The following RNF13 variants were observed in gnomAD, a reference collection of about 807,000 sequenced individuals.
RNF13 encodes the protein E3 ubiquitin-protein ligase RNF13.
In RNF13, 19 loss-of-function variants were observed where a neutral mutation model predicts 37.7. The ratio of observed to expected loss-of-function variants is 0.50; its 90% confidence interval spans 0.35 to 0.74. The LOEUF (loss-of-function observed/expected upper bound fraction) is 0.74, where lower values mean the gene tolerates loss of function less well. Ranked by LOEUF, RNF13 falls within the 30% of genes least tolerant of loss-of-function variation. The pLI, the probability that RNF13 is intolerant of heterozygous loss-of-function variation, is 0.01. For missense variants in RNF13, 375 were observed against 453.0 expected, an observed-to-expected ratio of 0.83 and a Z score of 1.56; for synonymous variants, 144 against 157.8, an observed-to-expected ratio of 0.91 and a Z score of 0.65.
At chr3:149,937,286 G>C (rs1330192584) in intron 8 of RNF13, among the ~76,000 whole-genome samples, 3 of 152,124 alleles carry the variant, frequency 2.0e-5, no homozygotes, top group Non-Finnish European at 2.9e-5. Context: ...AGGGAAACTG[G>C]CTGTCTACCT....
At chr3:149,895,445 ATTTTT>A (rs3856613) in intron 4 of RNF13, 23 bp from the exon 5 acceptor site, 4,691 of 1,092,578 alleles carry the variant, frequency 4.3e-3, no homozygotes, top group South Asian at 8.4e-3. Context: ...TTATAACATA[ATTTTT>A]TTTTTTTTTT....
intron 1 of RNF13, chr3:149,822,607 A>G (rs973149293): frequency 5.9e-5 from 9 of 152,290 alleles, no homozygotes; most frequent in Non-Finnish European, 8.8e-5. Context: ...TGTGAAAACT[A>G]TGAAATATGT....
intron 8 of RNF13, among the ~76,000 whole-genome samples, chr3:149,957,435 C>G (rs2108615251): frequency 6.6e-6 from 1 of 152,222 alleles, no homozygotes; most frequent in Non-Finnish European, 1.5e-5. Flanking sequence ...TTCAACCTAG[C>G]TTTCAAATAA....
Position 149,872,092 on chromosome 3 carries a change from G to A in RNF13, c.259G>A (p.Asp87Asn). 6.2e-7 allele frequency: 1 copy of A among 1,606,086 alleles called. No individual in the cohort carries two copies. The highest frequency in any genetic ancestry group is 2.2e-5 in the East Asian group (1 of 44,638). ...CEPIVPPPVK[D>N]NSSGTFIVLI... ...ACCCATAGTGCCTCCACCAGTAAAA[G>A]ACAATTCATCTGGCACTTTCATCGT... Residue 87 changes from aspartate (D) to asparagine (N), a missense_variant, in exon 4 of 10, where the codon GAC becomes AAC. Coordinates refer to ENST00000392894, the MANE Select transcript of RNF13 (RefSeq NM_183381.3).
chr3:149,835,137 G>A (rs1445696487), intron 1 of RNF13, among the ~76,000 whole-genome samples: 1 of 151,910 alleles, frequency 6.6e-6, no homozygotes, highest in East Asian at 1.9e-4. Context: ...GACACCAAAA[G>A]CACAGGCAAG....
chr3:149,871,034 G>A (rs1324709954), intron 3 of RNF13, among the ~76,000 whole-genome samples: 4 of 143,262 alleles, frequency 2.8e-5, no homozygotes, highest in African/African-American at 1.0e-4. Flanking sequence ...TCTGTTACCA[G>A]ATTTTTTTTT....
At chr3:149,892,455 A>G (rs1487314679) in intron 4 of RNF13, among the ~76,000 whole-genome samples, 1 of 152,200 alleles carries the variant, frequency 6.6e-6, no homozygotes, top group Non-Finnish European at 1.5e-5. Context: ...GTTTATATGT[A>G]GACAACCGCA....
chr3:149,826,060 C>G (rs890159087), intron 1 of RNF13, among the ~76,000 whole-genome samples: 4 of 152,150 alleles, frequency 2.6e-5, no homozygotes, highest in African/African-American at 9.7e-5. Flanking sequence ...TGAATCTCTA[C>G]TGGTACACAA....
chr3:149,876,227 T>G (rs1299110528), intron 4 of RNF13, among the ~76,000 whole-genome samples: 1 of 152,242 alleles, frequency 6.6e-6, no homozygotes, highest in Non-Finnish European at 1.5e-5. Context: ...ACAGAAATGG[T>G]GCAACATATG....
intron 6 of RNF13, among the ~76,000 whole-genome samples, chr3:149,905,449 AT>A (rs1716293546): frequency 6.6e-6 from 1 of 151,098 alleles, no homozygotes; most frequent in South Asian, 2.1e-4. Flanking sequence ...TTTCTTCCCT[AT>A]TTTTAGAAGT....
At position 149,886,411 on chromosome 3, in the gene RNF13, A is replaced by T. The variant is rs557737234; in HGVS notation, c.322-9062A>T. Among the ~76,000 whole-genome samples the T allele has an allele frequency of 6.6e-5, 10 of 152,196 alleles. No homozygotes were observed. The South Asian group carries it at 2.1e-3, about 32-fold the overall frequency. ...ATTTTGGATTGTTCATTGCTAGTGT[A>T]TAGAGAAACAGTGGATTTATGTATA... is the stretch of plus-strand genomic sequence containing the variant. On this transcript the variant is annotated intron_variant, in intron 4 of 9. Transcript: ENST00000392894.
At chr3:149,909,698 T>G (rs948522169) in intron 6 of RNF13, among the ~76,000 whole-genome samples, 2 of 152,156 alleles carry the variant, frequency 1.3e-5, no homozygotes, top group African/African-American at 2.4e-5. Context: ...AATATTAGAT[T>G]TAGAACCCGG....
Position 149,961,587 on chromosome 3 carries a change from C to G in RNF13, c.*483C>G, listed in dbSNP as rs1343310798. On this transcript the variant is annotated 3_prime_UTR_variant, in exon 10 of 10. Coordinates refer to ENST00000392894, the MANE Select transcript of RNF13 (RefSeq NM_183381.3). ...CAACAAGGTAATTCAGCCTTTCCTC[C>G]TATCAGCACAAAGAAACTCAAAGCT... is the stretch of plus-strand genomic sequence containing the variant. 4 of 300,128 alleles carry G rather than the reference C, an allele frequency of 1.3e-5. No homozygotes were observed. Among genetic ancestry groups the G allele is most frequent in the Non-Finnish European group, 2.6e-5 (4 of 154,040 alleles). The allele number at this position is 300,128 out of a possible 1,614,324, so 18.6% of individuals were successfully genotyped here. A position where few individuals can be genotyped will look rare whatever the true frequency, so the allele number is the denominator to read the frequency against.
intron 6 of RNF13, among the ~76,000 whole-genome samples, chr3:149,908,041 A>G (rs1420098979): frequency 6.6e-6 from 1 of 152,202 alleles, no homozygotes; most frequent in Non-Finnish European, 1.5e-5. Context: ...TGACCTCCCA[A>G]TCTGACAAGA....
In RNF13 at chr3:149,893,522, C is replaced by G. The variant is rs114653193; in HGVS notation, c.322-1951C>G. ...AATGGTCATGAAAGCATCAGATAAA[C>G]TAATAGTAACCCCAACTGAGTATAC... On this transcript the variant is annotated intron_variant, in intron 4 of 9. Transcript: ENST00000392894. Among the ~76,000 whole-genome samples the G allele has an allele frequency of 2.6e-5, 4 of 152,282 alleles. No homozygotes were observed. In the East Asian group the frequency reaches 7.7e-4, roughly 29 times the overall value.
At position 149,960,991 on chromosome 3, in the gene RNF13, G is replaced by A. The variant is rs746485111; in HGVS notation, c.1033G>A (p.Asp345Asn). ...MTESSDYEED[D>N]NEDTDSSDAE... ...AGAATCTTCAGACTATGAGGAAGAC[G>A]ACAATGAAGATACTGACAGTAGTGA... The change falls in exon 10 of 10, where the codon GAC becomes AAC. Residue 345 changes from aspartate (D) to asparagine (N), a missense_variant. Asp to Asn is a conservative substitution (Grantham distance 23). Coordinates refer to ENST00000392894, the MANE Select transcript of RNF13 (RefSeq NM_183381.3). 8 of 1,614,080 alleles carry A rather than the reference G, an allele frequency of 5.0e-6. No individual in the cohort carries two copies. The highest frequency in any genetic ancestry group is 6.8e-6 in the Non-Finnish European group (8 of 1,180,034).
intron 2 of RNF13, among the ~76,000 whole-genome samples, chr3:149,846,980 G>T (rs1189889451): frequency 6.6e-6 from 1 of 152,146 alleles, no homozygotes; most frequent in African/African-American, 2.4e-5. Context: ...GCCTCTCTTA[G>T]CTACTGTCTT....
At chr3:149,881,153 T>C (rs1455603061) in intron 4 of RNF13, among the ~76,000 whole-genome samples, 1 of 152,242 alleles carries the variant, frequency 6.6e-6, no homozygotes, top group African/African-American at 2.4e-5. Context: ...CTTTTCTGTG[T>C]AGCAGTGAAA....
At chr3:149,873,369 T>G (rs1434083909) in intron 4 of RNF13, among the ~76,000 whole-genome samples, 2 of 152,180 alleles carry the variant, frequency 1.3e-5, no homozygotes, top group African/African-American at 4.8e-5. Context: ...ATACTGTTAT[T>G]GAATATCTGT....
Sources: allele counts gnomAD v4.1 joint callset (sites outside exome capture counted in the v4.1 genomes callset), GRCh38; gene constraint gnomAD v4.1.1; transcripts MANE v1.5; gene names NCBI Gene and HGNC (gene_info 2026-07-23, HGNC 2026-07-21).